TMEM266: variants seen among roughly 807,000 people sequenced by gnomAD.
The protein encoded by TMEM266 is transmembrane protein 266.
In TMEM266, 33 loss-of-function variants were observed where a neutral mutation model predicts 50.5. The observed-to-expected ratio is 0.65, with a 90% CI of 0.50 to 0.87. The LOEUF (loss-of-function observed/expected upper bound fraction) is 0.87. Among genes scored for constraint, TMEM266 ranks in the 40% least tolerant of loss-of-function variants. TMEM266 has a pLI of 0.00. For synonymous variants in TMEM266, 310 were observed against 292.3 expected, an observed-to-expected ratio of 1.06 and a Z score of -0.62; for missense variants, 655 against 695.1, an observed-to-expected ratio of 0.94 and a Z score of 0.65.
rs919438683 is a variant in TMEM266 at position 76,171,101 on chromosome 15, C to T, written c.622C>T (p.Arg208Trp). The T allele has an allele frequency of 6.8e-6, 11 of 1,613,542 alleles. No homozygotes were observed. The African/African-American group carries it at 1.1e-4, about 16-fold the overall frequency. ...CGCCATCAGCCTCATCATCATGCTC[C>T]GGATCTGGAGGGTGAAGAGGGTCAT... The change falls in exon 7 of 11, where the codon CGG becomes TGG. Residue 208 changes from arginine to tryptophan, a missense_variant. Around this residue, in one of 3 missense-constraint regions of TMEM266, gnomAD observed 101 missense variants for 182.6 expected, o/e 0.55. Coordinates refer to ENST00000388942, the MANE Select transcript of TMEM266 (RefSeq NM_152335.3).
intron 1 of TMEM266, among the ~76,000 whole-genome samples, chr15:76,086,949 G>T: frequency 6.6e-6 from 1 of 150,580 alleles, no homozygotes; most frequent in Admixed American, 6.6e-5. Flanking sequence ...CGGTGGTGTT[G>T]CAAAGGGAGT....
At chr15:76,109,495 C>T (rs1596109797) in intron 1 of TMEM266, among the ~76,000 whole-genome samples, 1 of 152,188 alleles carries the variant, frequency 6.6e-6, no homozygotes, top group South Asian at 2.1e-4. Flanking sequence ...CACTTTCTGG[C>T]ACACTTCAAA....
intron 1 of TMEM266, among the ~76,000 whole-genome samples, chr15:76,060,247 T>C (rs2036271963): frequency 6.6e-6 from 1 of 152,000 alleles, no homozygotes; most frequent in South Asian, 2.1e-4. Context: ...TGTCACATGC[T>C]TCTTATTTAT....
At chr15:76,201,295 C>G (rs1843292552) in intron 9 of TMEM266, among the ~76,000 whole-genome samples, 1 of 152,170 alleles carries the variant, frequency 6.6e-6, no homozygotes, top group Non-Finnish European at 1.5e-5. Context: ...CTTTTGGGGT[C>G]TTCCAGCACC....
chr15:76,123,400 T>G (rs963050406), intron 1 of TMEM266, among the ~76,000 whole-genome samples: 4 of 152,176 alleles, frequency 2.6e-5, no homozygotes, highest in African/African-American at 9.6e-5. Flanking sequence ...GGCTTCCCCC[T>G]AGGAGCAGAT....
At chr15:76,156,823 T>C in intron 4 of TMEM266, 65 bp downstream of exon 4, 1 of 1,537,178 alleles carries the variant, frequency 6.5e-7, no homozygotes, top group Non-Finnish European at 8.9e-7. Context: ...GCATCTGCAT[T>C]CATCAGGGGT....
intron 1 of TMEM266, among the ~76,000 whole-genome samples, chr15:76,074,372 C>T (rs924591687): frequency 1.4e-4 from 21 of 152,068 alleles, no homozygotes; most frequent in African/African-American, 4.4e-4. Context: ...CCACCATCCA[C>T]GTCTGGAATT....
At chr15:76,176,944 C>T (rs1418476313) in intron 8 of TMEM266, among the ~76,000 whole-genome samples, 2 of 152,234 alleles carry the variant, frequency 1.3e-5, no homozygotes, top group Admixed American at 1.3e-4. Flanking sequence ...CAAGTGGAGT[C>T]ACCTGTCATT....
chr15:76,104,450 ACT>A (rs748935456), intron 1 of TMEM266, among the ~76,000 whole-genome samples: 5 of 152,008 alleles, frequency 3.3e-5, no homozygotes, highest in Non-Finnish European at 7.4e-5. Context: ...ATCCCAGGAA[ACT>A]CTACTGGACA....
chr15:76,196,392 C>T (rs879488485), intron 9 of TMEM266, among the ~76,000 whole-genome samples: 4 of 152,134 alleles, frequency 2.6e-5, no homozygotes, highest in East Asian at 1.9e-4. Flanking sequence ...ACAGGGCTGG[C>T]GAGGAACACA....
rs528669818 is a variant in TMEM266 at position 76,109,953 on chromosome 15, C to G, written c.-96-24215C>G. Among the ~76,000 whole-genome samples the G allele has an allele frequency of 7.3e-4, 111 of 151,972 alleles. 1 individual carries two copies. Among genetic ancestry groups the G allele is most frequent in the African/African-American group, 2.6e-3 (109 of 41,458 alleles). ...GGGATTATAGGTGAGAGCCGCCATG[C>G]CTGGCCAGGTTTTTCTGTTTGAGTT... On this transcript the variant is annotated intron_variant, in intron 1 of 10. Transcript: ENST00000388942.
intron 8 of TMEM266, among the ~76,000 whole-genome samples, chr15:76,179,380 G>T (rs1340179945): frequency 6.6e-6 from 1 of 152,158 alleles, no homozygotes; most frequent in Non-Finnish European, 1.5e-5. Context: ...CACCACACCT[G>T]CCCCACACAC....
chr15:76,190,315 G>A (rs1359667304), intron 8 of TMEM266, among the ~76,000 whole-genome samples: 1 of 152,230 alleles, frequency 6.6e-6, no homozygotes, highest in Non-Finnish European at 1.5e-5. Context: ...GTCAGGTCAC[G>A]GGAGAGAGGA....
chr15:76,156,511 G>A (rs1409000001), intron 3 of TMEM266, 93 bp from the exon 4 acceptor site: 4 of 1,355,072 alleles, frequency 3.0e-6, no homozygotes, highest in African/African-American at 2.9e-5. Context: ...GAGGAGTGAC[G>A]CTGGTGGGTT....
chr15:76,130,096 T>C (rs2142025991), intron 1 of TMEM266, among the ~76,000 whole-genome samples: 1 of 151,346 alleles, frequency 6.6e-6, no homozygotes, highest in East Asian at 1.9e-4. Context: ...TGGTGGCTTG[T>C]GCTTTTCAGC....
At chr15:76,142,384 TCCGTCTCAAAATA>T (rs1389097416) in intron 3 of TMEM266, among the ~76,000 whole-genome samples, 1 of 152,208 alleles carries the variant, frequency 6.6e-6, no homozygotes, top group East Asian at 1.9e-4. Context: ...AGAGCGAGAC[TCCGTCTCAAAATA>T]ATAATAATAA....
chr15:76,082,970 AAACAACAACAAC>A (rs35634458), intron 1 of TMEM266, among the ~76,000 whole-genome samples: 2 of 150,082 alleles, frequency 1.3e-5, no homozygotes, highest in African/African-American at 2.4e-5. Context: ...CTCTGTCTAA[AAACAACAACAAC>A]AACAACAACA....
Position 76,168,558 on chromosome 15 carries a change from C to T in TMEM266, c.457-1258C>T, listed in dbSNP as rs1299076376. Among the ~76,000 whole-genome samples the T allele has an allele frequency of 6.6e-6, 1 of 152,218 alleles. No individual in the cohort carries two copies. The highest frequency in any genetic ancestry group is 1.5e-5 in the Non-Finnish European group (1 of 68,050). On this transcript the variant is annotated intron_variant, in intron 5 of 10. Transcript: ENST00000388942. The surrounding 1 kb of genome is among the most constrained non-coding windows in gnomAD (Gnocchi z 4.4). Reference sequence around the variant, plus strand: ...ATGCACCGGCATCTTACGAGACCAGCATTTAGGGGCTTCTTTGGAGAAAGA... The same window carrying T: ...ATGCACCGGCATCTTACGAGACCAGTATTTAGGGGCTTCTTTGGAGAAAGA...
intron 5 of TMEM266, among the ~76,000 whole-genome samples, chr15:76,163,752 GGAAAGGC>G (rs2038051734): frequency 6.6e-6 from 1 of 152,166 alleles, no homozygotes; most frequent in Non-Finnish European, 1.5e-5. Flanking sequence ...CCTGGGGTCT[GGAAAGGC>G]CCAGGCAGCC....
Sources: gnomAD v4.1 joint callset for allele counts (sites outside exome capture counted in the v4.1 genomes callset) on GRCh38, gnomAD v4.1.1 for gene constraint, gnomAD v4.1.1 regional missense constraint, Gnocchi (gnomAD v3.1) non-coding constraint, MANE v1.5 for transcripts, NCBI Gene and HGNC (gene_info 2026-07-23, HGNC 2026-07-21) for gene names.